Variants in SGCZ observed in about 807,000 individuals in gnomAD.
SGCZ encodes sarcoglycan zeta, also known as zeta-sarcoglycan.
Under a neutral mutation model 41.3 loss-of-function variants are expected in SGCZ, and 40 were observed. That is an observed-to-expected ratio of 0.97 (90% CI 0.75 to 1.26). The LOEUF (loss-of-function observed/expected upper bound fraction) is 1.26. SGCZ is among the 50% of genes most tolerant of loss of function. The pLI is 0.00. For missense variants in SGCZ, 552 were observed against 369.8 expected, an observed-to-expected ratio of 1.49 and a Z score of -4.04; for synonymous variants, 206 against 137.5, an observed-to-expected ratio of 1.50 and a Z score of -3.49.
chr8:15,048,042 C>A (rs559691650), intron 1 of SGCZ, among the ~76,000 whole-genome samples: 133 of 152,070 alleles, frequency 8.7e-4, no homozygotes, highest in African/African-American at 3.1e-3. Flanking sequence ...TTTCCATATT[C>A]ATTGCACCAT....
At chr8:15,157,127 GA>G (rs1307127775) in intron 1 of SGCZ, among the ~76,000 whole-genome samples, 3 of 152,112 alleles carry the variant, frequency 2.0e-5, no homozygotes. Context: ...TGCAGAGGCA[GA>G]AAAATACTTG....
At chr8:14,482,341 C>T (rs1585574036) in intron 2 of SGCZ, among the ~76,000 whole-genome samples, 1 of 152,174 alleles carries the variant, frequency 6.6e-6, no homozygotes, top group African/African-American at 2.4e-5. Context: ...AAGCAAACAG[C>T]ATTTCCTGTA....
intron 1 of SGCZ, among the ~76,000 whole-genome samples, chr8:15,123,687 G>A (rs566629414): frequency 2.6e-4 from 40 of 152,250 alleles, no homozygotes; most frequent in African/African-American, 8.9e-4. Flanking sequence ...TGATAAGTAT[G>A]ACACCAGGAC....
intron 5 of SGCZ, among the ~76,000 whole-genome samples, chr8:14,149,876 A>G (rs1227624644): frequency 6.6e-6 from 1 of 152,046 alleles, no homozygotes; most frequent in Non-Finnish European, 1.5e-5. Context: ...AAATCCACAC[A>G]CTACAGTGAA....
chr8:15,188,764 G>T (rs552053040), intron 1 of SGCZ, among the ~76,000 whole-genome samples: 2 of 152,214 alleles, frequency 1.3e-5, no homozygotes, highest in South Asian at 4.1e-4. Flanking sequence ...ATTATTATTT[G>T]CTTCCTTTAA....
intron 1 of SGCZ, among the ~76,000 whole-genome samples, chr8:14,778,768 C>G (rs1436312060): frequency 1.3e-5 from 2 of 152,106 alleles, no homozygotes; most frequent in Non-Finnish European, 2.9e-5. Context: ...ATCAAGAACA[C>G]AGTGAGATAT....
rs566112565 is a variant in SGCZ at position 14,336,684 on chromosome 8, C to T, written c.235-12480G>A. Among the ~76,000 whole-genome samples the T allele has an allele frequency of 3.0e-3, 449 of 152,184 alleles. 2 individuals carry two copies. The highest frequency in any genetic ancestry group is 0.01 in the African/African-American group (432 of 41,546). ...GTGGTTTACAACCAGAGTTTTAAAA[C>T]CCAGATTTATCTTTTGAATTTGAGA... On this transcript the variant is annotated intron_variant, in intron 2 of 7. Transcript: ENST00000382080.
intron 1 of SGCZ, among the ~76,000 whole-genome samples, chr8:14,906,629 C>T (rs1799126911): frequency 6.6e-6 from 1 of 152,118 alleles, no homozygotes; most frequent in African/African-American, 2.4e-5. Context: ...GGTATTTGTA[C>T]TAAATCCATA....
At chr8:15,170,919 G>T (rs146434615) in intron 1 of SGCZ, among the ~76,000 whole-genome samples, 233 of 152,224 alleles carry the variant, frequency 1.5e-3, no homozygotes, top group Middle Eastern at 0.014. Flanking sequence ...GAAATGTTTT[G>T]AATAAATAAA....
intron 1 of SGCZ, among the ~76,000 whole-genome samples, chr8:14,703,116 T>A (rs1014090903): frequency 6.6e-6 from 1 of 152,002 alleles, no homozygotes; most frequent in Non-Finnish European, 1.5e-5. Context: ...TATATTCTTT[T>A]AAAGATACAT....
intron 1 of SGCZ, among the ~76,000 whole-genome samples, chr8:14,929,007 T>G (rs1198332284): frequency 6.6e-6 from 1 of 152,202 alleles, no homozygotes; most frequent in Non-Finnish European, 1.5e-5. Flanking sequence ...TTATTTATTT[T>G]TTCAGACAGA....
Position 15,148,326 on chromosome 8 carries a change from G to T in SGCZ, c.39+89259C>A, listed in dbSNP as rs139055301. Among the ~76,000 whole-genome samples the T allele has an allele frequency of 1.6e-3, 242 of 152,232 alleles. 1 individual carries two copies. Among genetic ancestry groups the T allele is most frequent in the African/African-American group, 5.7e-3 (236 of 41,542 alleles). ...AGTTGCTATCGGACATCAGGTTCAGGAGCTCACTGATGGTTAATGAACTTC... is the reference window on the plus strand; with the variant it reads ...AGTTGCTATCGGACATCAGGTTCAGTAGCTCACTGATGGTTAATGAACTTC... On this transcript the variant is annotated intron_variant, in intron 1 of 7. Transcript: ENST00000382080.
chr8:14,943,684 A>G (rs538166821), intron 1 of SGCZ, among the ~76,000 whole-genome samples: 1 of 152,186 alleles, frequency 6.6e-6, no homozygotes, highest in Admixed American at 6.5e-5. Flanking sequence ...ACCCAAGTAA[A>G]AAGCATGCCA....
At chr8:14,243,857 T>C (rs1489658606) in intron 3 of SGCZ, among the ~76,000 whole-genome samples, 2 of 152,186 alleles carry the variant, frequency 1.3e-5, no homozygotes, top group African/African-American at 2.4e-5. Flanking sequence ...ACAGTACTCG[T>C]TGTAGGCTTT....
intron 2 of SGCZ, among the ~76,000 whole-genome samples, chr8:14,429,916 T>C (rs1034221359): frequency 7.9e-5 from 12 of 152,170 alleles, no homozygotes; most frequent in Admixed American, 5.9e-4. Flanking sequence ...AATGTATCTA[T>C]CTCCTCTAGT....
chr8:14,580,009 C>G (rs373350799), intron 1 of SGCZ, among the ~76,000 whole-genome samples: 1 of 152,188 alleles, frequency 6.6e-6, no homozygotes, highest in South Asian at 2.1e-4. Context: ...ACGAGTGGCT[C>G]TGAAGCACTG....
rs988298716 is a variant in SGCZ at position 14,440,793 on chromosome 8, GTATATGTATATATGTGTATACACA to G, written c.234+113915_234+113938del. On this transcript the variant is annotated intron_variant, in intron 2 of 7. Transcript: ENST00000382080. The stretch of plus-strand genomic sequence containing the variant: ...TATATGTATATACATACGTATACAC[GTATATGTATATATGTGTATACACA>G]TGCATATATACATACATATATGTGT... Among the ~76,000 whole-genome samples, 8 of 118,076 alleles carry G rather than the reference GTATATGTATATATGTGTATACACA, an allele frequency of 6.8e-5. 1 individual carries two copies. The highest frequency in any genetic ancestry group is 1.5e-4 in the Non-Finnish European group (8 of 52,264). 77.5% of individuals were successfully genotyped at this position (118,076 alleles called of 152,430 possible). A position where few individuals can be genotyped will look rare whatever the true frequency, so the allele number is the denominator to read the frequency against.
chr8:14,627,964 G>C (rs1266231631), intron 1 of SGCZ, among the ~76,000 whole-genome samples: 1 of 152,050 alleles, frequency 6.6e-6, no homozygotes, highest in African/African-American at 2.4e-5. Context: ...TTTGGAGGAT[G>C]TGAAGAATCT....
intron 5 of SGCZ, among the ~76,000 whole-genome samples, chr8:14,112,273 T>C (rs1257913922): frequency 8.8e-6 from 1 of 113,262 alleles, no homozygotes; most frequent in Non-Finnish European, 1.8e-5. Flanking sequence ...TTTTTGAGTT[T>C]TTTTTTTTGT....
Sources: gnomAD v4.1 joint callset for allele counts (sites outside exome capture counted in the v4.1 genomes callset) on GRCh38, gnomAD v4.1.1 for gene constraint, MANE v1.5 for transcripts, NCBI Gene and HGNC (gene_info 2026-07-23, HGNC 2026-07-21) for gene names.